The following CCDC178 variants were observed in gnomAD, a reference collection of about 807,000 sequenced individuals.
The protein encoded by CCDC178 is coiled-coil domain containing 178, also known as coiled-coil domain-containing protein 178.
Under a neutral mutation model 117.4 loss-of-function variants are expected in CCDC178, and 126 were observed. That is an observed-to-expected ratio of 1.07 (90% confidence interval 0.93 to 1.24). The LOEUF (loss-of-function observed/expected upper bound fraction) is 1.24. CCDC178 is among the 50% of genes most tolerant of loss of function. The pLI is 0.00. For missense variants in CCDC178, 1,030 were observed against 986.9 expected (o/e 1.04, Z -0.59); for synonymous variants, 283 against 313.4 (o/e 0.90, Z 1.02).
intron 21 of CCDC178, among the ~76,000 whole-genome samples, chr18:33,063,357 G>A (rs1239574446): frequency 6.6e-6 from 1 of 152,148 alleles, no homozygotes; most frequent in East Asian, 1.9e-4. Context: ...AGGGGACTGA[G>A]GACAAGCTCT....
chr18:33,174,406 T>C (rs1367208722), intron 20 of CCDC178, among the ~76,000 whole-genome samples: 1 of 152,182 alleles, frequency 6.6e-6, no homozygotes, highest in Admixed American at 6.5e-5. Context: ...CAAAGTTAAA[T>C]AACAGACACT....
intron 21 of CCDC178, among the ~76,000 whole-genome samples, chr18:33,023,023 C>T (rs780890188): frequency 1.3e-5 from 2 of 152,000 alleles, no homozygotes; most frequent in Non-Finnish European, 2.9e-5. Flanking sequence ...ATTAATCCAT[C>T]AAGAAGAAGT....
In CCDC178 at chr18:32,953,233, C is replaced by T. The variant is rs558927442; in HGVS notation, c.2524-15142G>A. On this transcript the variant is annotated intron_variant, in intron 22 of 22. Transcript: ENST00000383096. ...TCTCTTTGCTAACGCATAACAAGAGCGACCTTTGCACTAGTTCCTAACAAG... is the reference window on the plus strand; with the variant it reads ...TCTCTTTGCTAACGCATAACAAGAGTGACCTTTGCACTAGTTCCTAACAAG... 5.9e-4 allele frequency among the ~76,000 whole-genome samples: 90 copies of T among 152,302 alleles called. 1 individual carries two copies. Among genetic ancestry groups the T allele is most frequent in the South Asian group, 4.3e-3 (21 of 4,828 alleles).
chr18:32,956,225 T>C (rs1437212243), intron 22 of CCDC178, among the ~76,000 whole-genome samples: 1 of 152,234 alleles, frequency 6.6e-6, no homozygotes, highest in Non-Finnish European at 1.5e-5. Context: ...TTTATTTTCA[T>C]GTCTTGTATT....
intron 22 of CCDC178, among the ~76,000 whole-genome samples, chr18:32,973,542 C>T (rs1211742133): frequency 3.3e-5 from 5 of 151,898 alleles, no homozygotes; most frequent in African/African-American, 4.8e-5. Flanking sequence ...TCTTATAACC[C>T]ACTGTCAAAA....
intron 22 of CCDC178, among the ~76,000 whole-genome samples, chr18:32,971,940 T>A (rs1460327442): frequency 6.6e-6 from 1 of 152,152 alleles, no homozygotes; most frequent in African/African-American, 2.4e-5. Context: ...GATGGGTAGA[T>A]CACAAACTTT....
At chr18:33,280,304 A>C (rs1394508421) in intron 12 of CCDC178, among the ~76,000 whole-genome samples, 3 of 152,188 alleles carry the variant, frequency 2.0e-5, no homozygotes, top group Non-Finnish European at 4.4e-5. Flanking sequence ...ATATGAACAG[A>C]CACTTCTCAA....
rs1372600902 is a variant in CCDC178 at position 32,944,336 on chromosome 18, A to G, written c.2524-6245T>C. On this transcript the variant is annotated intron_variant, in intron 22 of 22. Transcript: ENST00000383096. ...TATTTAGGGAATCATTAAATATATC[A>G]GTGTTCAGAACTCAGAGCATGGCTA... Among the ~76,000 whole-genome samples, 6 of 152,188 alleles carry G rather than the reference A, an allele frequency of 3.9e-5. No homozygotes were observed. In the East Asian group the frequency reaches 5.8e-4, roughly 15 times the overall value.
chr18:33,029,478 C>T (rs1374540404), intron 21 of CCDC178, among the ~76,000 whole-genome samples: 1 of 151,358 alleles, frequency 6.6e-6, no homozygotes, highest in Non-Finnish European at 1.5e-5. Context: ...ACTGTTTTTC[C>T]TTTGTTATTT....
intron 2 of CCDC178, among the ~76,000 whole-genome samples, chr18:33,429,222 C>A (rs1195083634): frequency 1.3e-5 from 2 of 151,876 alleles, no homozygotes; most frequent in Non-Finnish European, 2.9e-5. Flanking sequence ...TTAGAAAAAT[C>A]AGTAATTAAA....
intron 20 of CCDC178, among the ~76,000 whole-genome samples, chr18:33,140,940 A>G (rs958637595): frequency 1.3e-5 from 2 of 152,074 alleles, no homozygotes; most frequent in Non-Finnish European, 2.9e-5. Flanking sequence ...TATGGGGGTG[A>G]GTCTTTCCTG....
intron 21 of CCDC178, among the ~76,000 whole-genome samples, chr18:33,014,844 A>G (rs1453733626): frequency 6.6e-6 from 1 of 152,204 alleles, no homozygotes; most frequent in Non-Finnish European, 1.5e-5. Context: ...AACAGCAATA[A>G]CAAATAACAA....
At chr18:33,429,505 G>C (rs931709360) in intron 2 of CCDC178, among the ~76,000 whole-genome samples, 1 of 152,086 alleles carries the variant, frequency 6.6e-6, no homozygotes, top group African/African-American at 2.4e-5. Flanking sequence ...ATGTAGTAGA[G>C]ACATGCAAAC....
At chr18:33,073,504 CATCTATCT>C (rs11468119) in intron 21 of CCDC178, among the ~76,000 whole-genome samples, 38,637 of 141,942 alleles carry the variant, frequency 0.27, 5,174 homozygotes, top group Non-Finnish European at 0.28. Context: ...CTATAGTCAG[CATCTATCT>C]ATCTATCTAT....
chr18:33,153,671 C>A (rs2058363118), intron 20 of CCDC178, among the ~76,000 whole-genome samples: 1 of 151,874 alleles, frequency 6.6e-6, no homozygotes, highest in African/African-American at 2.4e-5. Flanking sequence ...AAGAACAAAA[C>A]AATTTAGAAG....
At chr18:33,241,719 G>C (rs183210670) in intron 15 of CCDC178, among the ~76,000 whole-genome samples, 265 of 151,516 alleles carry the variant, frequency 1.7e-3, no homozygotes, top group African/African-American at 6.2e-3. Flanking sequence ...AATTGAAGTG[G>C]ATACAAACAA....
At chr18:33,422,758 A>C (rs540184438) in intron 2 of CCDC178, among the ~76,000 whole-genome samples, 2 of 152,340 alleles carry the variant, frequency 1.3e-5, no homozygotes, top group Admixed American at 1.3e-4. Context: ...AATGAAAGGA[A>C]GCATGATGAA....
intron 21 of CCDC178, among the ~76,000 whole-genome samples, chr18:32,985,033 T>C (rs1315385623): frequency 2.0e-5 from 3 of 151,932 alleles, no homozygotes; most frequent in Non-Finnish European, 2.9e-5. Context: ...CTTATTTTAA[T>C]GCAAAAAATC....
At chr18:33,375,627 T>C (rs1199497088) in intron 5 of CCDC178, among the ~76,000 whole-genome samples, 3 of 152,090 alleles carry the variant, frequency 2.0e-5, no homozygotes, top group Non-Finnish European at 4.4e-5. Context: ...GCAGAAAGGC[T>C]ACGGAAGAAA....
Sources: allele counts gnomAD v4.1 joint callset (sites outside exome capture counted in the v4.1 genomes callset), GRCh38; gene constraint gnomAD v4.1.1; transcripts MANE v1.5; gene names NCBI Gene and HGNC (gene_info 2026-07-23, HGNC 2026-07-21).